PLEKHG4: variants seen among roughly 807,000 people sequenced by gnomAD.
PLEKHG4 encodes the protein pleckstrin homology and RhoGEF domain containing G4.
Under a neutral mutation model 136.9 loss-of-function variants are expected in PLEKHG4, and 85 were observed. That is an observed-to-expected ratio of 0.62 (90% CI 0.52 to 0.74). The LOEUF is 0.74. PLEKHG4 is among the 30% of genes least tolerant of loss of function. The probability of loss-of-function intolerance (pLI) is 0.00; values close to 1 mark genes in which losing one functional copy is unlikely to be tolerated. For missense variants in PLEKHG4, 1,317 were observed against 1,527.8 expected, an observed-to-expected ratio of 0.86 and a Z score of 2.30; for synonymous variants, 577 against 646.9, an observed-to-expected ratio of 0.89 and a Z score of 1.64.
Position 67,287,025 on chromosome 16 carries a change from G to A in PLEKHG4, c.2951G>A (p.Cys984Tyr). 6.2e-7 allele frequency: 1 copy of A among 1,613,422 alleles called. No homozygotes were observed. The highest frequency in any genetic ancestry group is 8.5e-7 in the Non-Finnish European group (1 of 1,180,024). Residue 984 changes from cysteine (C) to tyrosine (Y), a missense_variant, in exon 18 of 22, where the codon TGC (cysteine) becomes TAC (tyrosine). Physicochemically the swap from Cys to Tyr is radical, Grantham distance 194. Coordinates refer to ENST00000379344, the MANE Select transcript of PLEKHG4 (RefSeq NM_001129729.3). ...FKMADLGLTE[C>Y]CGNSNLRFEI... The stretch of plus-strand genomic sequence containing the variant: ...ATGGCAGACCTTGGTCTCACTGAGT[G>A]CTGTGGGAACAGCAACCTGCGCTTC...
chr16:67,289,320 T>G lies in PLEKHG4; in HGVS notation c.*512T>G. ...CCCAGCCCCTTTTTACTGGGGCAGT[T>G]TCGTTATTTTGACTTGATGCCTTTT... On this transcript the variant is annotated 3_prime_UTR_variant, in exon 22 of 22. Coordinates refer to ENST00000379344, the MANE Select transcript of PLEKHG4 (RefSeq NM_001129729.3). 2.2e-6 allele frequency: 1 copy of G among 454,194 alleles called. No homozygotes were observed. The highest frequency in any genetic ancestry group is 3.5e-5 in the South Asian group (1 of 28,594). 28.1% of individuals were successfully genotyped at this position (454,194 alleles called of 1,614,324 possible). A position where few individuals can be genotyped will look rare whatever the true frequency, so the allele number is the denominator to read the frequency against.
intron 18 of PLEKHG4, 21 bp downstream of exon 18, chr16:67,287,198 C>T: frequency 6.2e-7 from 1 of 1,600,604 alleles, no homozygotes; most frequent in Non-Finnish European, 8.5e-7. Flanking sequence ...GCCCCTCCTT[C>T]ACGCCACACT....
intron 21 of PLEKHG4, 59 bp downstream of exon 21, chr16:67,288,663 CTG>C (rs2036602783): frequency 1.9e-6 from 3 of 1,604,920 alleles, no homozygotes; most frequent in Admixed American, 3.3e-5. Context: ...GAGCCTGTGA[CTG>C]TGACCAGCCC....
Position 67,286,821 on chromosome 16 carries a change from G to A in PLEKHG4, c.2827G>A (p.Val943Met), listed in dbSNP as rs200910607. The change falls in exon 17 of 22, where the codon GTG (valine) becomes ATG (methionine). Residue 943 changes from valine to methionine, a missense_variant. Transcript: ENST00000379344. ...FVVRTGRHKSVRRIFLFEELL... is the reference protein window; with the variant it reads ...FVVRTGRHKSMRRIFLFEELL... ...GGTGCGCACTGGGCGCCACAAGTCC[G>A]TGCGCCGCATCTTCCTTTTTGAGGA... The A allele has an allele frequency of 4.7e-5, 76 of 1,613,804 alleles. No homozygotes were observed. Among genetic ancestry groups the A allele is most frequent in the South Asian group, 8.8e-5 (8 of 91,080 alleles).
At position 67,287,930 on chromosome 16, in the gene PLEKHG4, G is replaced by T. The variant is rs765049028; in HGVS notation, c.3136G>T (p.Val1046Leu). Residue 1046 changes from valine (V) to leucine (L), a missense_variant, in exon 19 of 22, where the codon GTG (valine) becomes TTG (leucine). By Grantham distance (32) the Val-to-Leu change is conservative. Coordinates refer to ENST00000379344, the MANE Select transcript of PLEKHG4 (RefSeq NM_001129729.3). The stretch of plus-strand genomic sequence containing the variant: ...CATGGCTGAGATGGTGTCCATGGGT[G>T]TGGGGAACAAGGCCTTCCGAGACAT... ...VRMAEMVSMG[V>L]GNKAFRDIAP... 33 of 1,613,776 alleles carry T rather than the reference G, an allele frequency of 2.0e-5. No individual in the cohort carries two copies. In the Admixed American group the frequency reaches 2.3e-4, roughly 11 times the overall value.
At chr16:67,278,228 C>A (rs1173238905), upstream of PLEKHG4, 1 of 152,132 alleles carries the variant, frequency 6.6e-6, no homozygotes, top group Non-Finnish European at 1.5e-5. Context: ...CAGGACAACT[C>A]CAAGGCTCCC....
rs757990422 is a variant in PLEKHG4, at chr16:67,280,988, C to T, written c.702C>T (p.Tyr234=). ...AGGAACTCATCCGCCTCCTGCTGTA[C>T]CTGCGAAGCATCCCCAGGTTTGAGG... ...SSQELIRLLL[Y]LRSIPRPEVQ... is the part of the protein sequence containing the mutation. Residue 234 remains tyrosine, a synonymous_variant, in exon 4 of 22, where the codon TAC becomes TAT. Coordinates refer to ENST00000379344, the MANE Select transcript of PLEKHG4 (RefSeq NM_001129729.3). This position sits in a 1 kb window ranked among gnomAD's most constrained non-coding sequence, Gnocchi z 4.4. 9 of 1,613,864 alleles carry T rather than the reference C, an allele frequency of 5.6e-6. No individual in the cohort carries two copies. The highest frequency in any genetic ancestry group is 7.6e-6 in the Non-Finnish European group (9 of 1,180,046).
In PLEKHG4 at chr16:67,280,214, A is replaced by G. The variant is rs2036148094; in HGVS notation, c.170A>G (p.Gln57Arg). ...GPPRPPAGAT[Q>R]DEELQGSPLS... ...CCAAGACCACCAGCCGGGGCCACCC[A>G]GGATGAGGAGCTACAGGGCAGCCCC... Residue 57 changes from glutamine to arginine, a missense_variant, in exon 2 of 22, where the codon CAG becomes CGG. By Grantham distance (43) the Gln-to-Arg change is conservative. Coordinates refer to ENST00000379344, the MANE Select transcript of PLEKHG4 (RefSeq NM_001129729.3). This position sits in a 1 kb window ranked among gnomAD's most constrained non-coding sequence, Gnocchi z 4.4. 1 of 1,613,690 alleles carries G rather than the reference A, an allele frequency of 6.2e-7. No individual in the cohort carries two copies. The highest frequency in any genetic ancestry group is 1.3e-5 in the African/African-American group (1 of 74,934).
Position 67,282,069 on chromosome 16 carries a change from G to C in PLEKHG4, c.1066G>C (p.Glu356Gln). 1 of 1,613,632 alleles carries C rather than the reference G, an allele frequency of 6.2e-7. No individual in the cohort carries two copies. Among genetic ancestry groups the C allele is most frequent in the Non-Finnish European group, 8.5e-7 (1 of 1,180,016 alleles). ...TTGTGCCCTGCTCCAGGGGGCCATC[G>C]AAAGTGTGAAGGCTGTGCCCCAGCC... Reference protein sequence around the residue: ...AACALLQGAIESVKAVPQPME... With the variant: ...AACALLQGAIQSVKAVPQPME... Residue 356 changes from glutamate to glutamine, a missense_variant, in exon 8 of 22, where the codon GAA becomes CAA. Glu to Gln is a conservative substitution (Grantham distance 29). Coordinates refer to ENST00000379344, the MANE Select transcript of PLEKHG4 (RefSeq NM_001129729.3).
In PLEKHG4 at chr16:67,282,639, C is replaced by A; in HGVS notation, c.1390C>A (p.Gln464Lys). Residue 464 changes from glutamine to lysine, a missense_variant and splice_region_variant, in exon 10 of 22, where the codon CAG becomes AAG. Physicochemically the swap from Gln to Lys is moderately conservative, Grantham distance 53. Transcript: ENST00000379344. ...TLEARESGLH[Q>K]IEVWLQQVGW... ...GGAGGCCCGGGAAAGCGGACTGCAC[C>A]AGGTCGGAACTACTTGCCCAGAGTG... 6.2e-7 allele frequency: 1 copy of A among 1,613,882 alleles called. No homozygotes were observed. Among genetic ancestry groups the A allele is most frequent in the Non-Finnish European group, 8.5e-7 (1 of 1,180,054 alleles).
rs1160794193 is a variant in PLEKHG4 at position 67,281,305 on chromosome 16, ACT to A, written c.813+124_813+125del. ...GTGGCGCAATCTTGGCTCACTGCAAACTCTATCTCCCCGATTCAAGTGATCCT... is the reference window on the plus strand; with the variant it reads ...GTGGCGCAATCTTGGCTCACTGCAAACTATCTCCCCGATTCAAGTGATCCT... On this transcript the variant is annotated intron_variant, in intron 5 of 21. Coordinates refer to ENST00000379344, the MANE Select transcript of PLEKHG4 (RefSeq NM_001129729.3). 7.7e-6 allele frequency: 6 copies of A among 780,908 alleles called. No homozygotes were observed. The African/African-American group carries it at 8.8e-5, about 11-fold the overall frequency. The allele number at this position is 780,908 out of a possible 1,614,324, so 48.4% of individuals were successfully genotyped here. A position where few individuals can be genotyped will look rare whatever the true frequency, so the allele number is the denominator to read the frequency against.
chr16:67,288,937 A>G lies in PLEKHG4; in HGVS notation c.*129A>G. 9.6e-7 allele frequency: 1 copy of G among 1,043,680 alleles called. No individual in the cohort carries two copies. The highest frequency in any genetic ancestry group is 1.5e-6 in the Non-Finnish European group (1 of 683,130). The allele number at this position is 1,043,680 out of a possible 1,614,324, so 64.7% of individuals were successfully genotyped here. ...CCAACCTACATGTGCAACGCTGTTG[A>G]CTACCCTTTCTGATGTGTGTGGCCA... On this transcript the variant is annotated 3_prime_UTR_variant, in exon 22 of 22. Transcript: ENST00000379344.
chr16:67,286,973 C>T, intron 17 of PLEKHG4, 27 bp from the exon 18 acceptor site: 1 of 1,612,974 alleles, frequency 6.2e-7, no homozygotes. Context: ...CATGCCTTAC[C>T]AAGCCCCTCT....
chr16:67,288,195 A>G lies in PLEKHG4; in HGVS notation c.3249A>G (p.Val1083=), dbSNP rs1276166096. 1 of 1,614,024 alleles carries G rather than the reference A, an allele frequency of 6.2e-7. No individual in the cohort carries two copies. The highest frequency in any genetic ancestry group is 1.1e-5 in the South Asian group (1 of 91,078). The stretch of plus-strand genomic sequence containing the variant: ...TTCGCTCTCGGGCGTCCATTGCCGT[A>G]GCCCCGTTTGACCATGACAGCCTCT... The part of the protein sequence containing the change: ...REVRSRASIA[V]APFDHDSLYL... The change falls in exon 20 of 22, where the codon GTA becomes GTG. Residue 1083 remains valine (V), a synonymous_variant. Coordinates refer to ENST00000379344, the MANE Select transcript of PLEKHG4 (RefSeq NM_001129729.3).
At chr16:67,288,144 A>T (rs761837479) in intron 19 of PLEKHG4, 23 bp from the exon 20 acceptor site, 8 of 1,606,252 alleles carry the variant, frequency 5.0e-6, no homozygotes, top group African/African-American at 1.3e-5. Context: ...GCCTGTCCCA[A>T]CCTGACCCTC....
chr16:67,280,503 T>C lies in PLEKHG4; in HGVS notation c.459T>C (p.Leu153=). The change falls in exon 2 of 22, where the codon CTT becomes CTC. Residue 153 remains leucine (L), a synonymous_variant. Coordinates refer to ENST00000379344, the MANE Select transcript of PLEKHG4 (RefSeq NM_001129729.3). The surrounding 1 kb of genome is among the most constrained non-coding windows in gnomAD (Gnocchi z 4.4). ...CATTGGACAGCGACCCTGTGGGCCTTGGAGACCCTTTATCAGAAATATCAA... is the reference window on the plus strand; with the variant it reads ...CATTGGACAGCGACCCTGTGGGCCTCGGAGACCCTTTATCAGAAATATCAA... ...PGALDSDPVG[L]GDPLSEISKL... 2 of 1,610,248 alleles carry C rather than the reference T, an allele frequency of 1.2e-6. No individual in the cohort carries two copies. Among genetic ancestry groups the C allele is most frequent in the Non-Finnish European group, 1.7e-6 (2 of 1,178,546 alleles).
chr16:67,281,974 C>T (rs1452521630), intron 7 of PLEKHG4, 35 bp from the exon 8 acceptor site: 19 of 1,577,238 alleles, frequency 1.2e-5, no homozygotes, highest in Non-Finnish European at 1.7e-5. Flanking sequence ...ACCAACACTG[C>T]ATGCTGCTCC....
At position 67,287,035 on chromosome 16, in the gene PLEKHG4, C is replaced by T. The variant is rs979240552; in HGVS notation, c.2961C>T (p.Asn987=). The T allele has an allele frequency of 3.7e-6, 6 of 1,613,340 alleles. No homozygotes were observed. Among genetic ancestry groups the T allele is most frequent in the South Asian group, 3.3e-5 (3 of 91,096 alleles). The change falls in exon 18 of 22, where the codon AAC becomes AAT. Residue 987 remains asparagine (N), a synonymous_variant. Transcript: ENST00000379344. Reference sequence around the variant, plus strand: ...TTGGTCTCACTGAGTGCTGTGGGAACAGCAACCTGCGCTTCGAGATCTGGT... The same window carrying T: ...TTGGTCTCACTGAGTGCTGTGGGAATAGCAACCTGCGCTTCGAGATCTGGT... The part of the protein sequence containing the change: ...ADLGLTECCG[N]SNLRFEIWFR...
At position 67,282,497 on chromosome 16, in the gene PLEKHG4, C is replaced by T. The variant is rs200778147; in HGVS notation, c.1254-6C>T. 5.6e-6 allele frequency: 9 copies of T among 1,614,058 alleles called. No homozygotes were observed. The East Asian group carries it at 1.8e-4, about 32-fold the overall frequency. On this transcript the variant is annotated splice_region_variant and splice_polypyrimidine_tract_variant and intron_variant, in intron 9 of 21. Transcript: ENST00000379344. Reference sequence around the variant, plus strand: ...AGGGGGTCTAAGATGGTATACCCTACACCAGGACGGCAATGGACAAGGCTG... The same window carrying T: ...AGGGGGTCTAAGATGGTATACCCTATACCAGGACGGCAATGGACAAGGCTG...
Sources: allele counts gnomAD v4.1 joint callset, GRCh38; gene constraint gnomAD v4.1.1; non-coding constraint Gnocchi (gnomAD v3.1); transcripts MANE v1.5; gene names NCBI Gene and HGNC (gene_info 2026-07-23, HGNC 2026-07-21).